SAMD3: variants seen among roughly 807,000 people sequenced by gnomAD.
SAMD3 encodes the protein sterile alpha motif domain-containing protein 3.
Under a neutral mutation model 58.5 loss-of-function variants are expected in SAMD3, and 63 were observed. The observed-to-expected ratio is 1.08, with a 90% CI of 0.88 to 1.33. The LOEUF (loss-of-function observed/expected upper bound fraction) is 1.33, where lower values mean the gene tolerates loss of function less well. Ranked by LOEUF, SAMD3 falls within the 40% of genes most tolerant of loss-of-function variation. SAMD3 has a pLI of 0.00. For missense variants in SAMD3, 604 were observed against 608.4 expected (o/e 0.99, Z 0.08); for synonymous variants, 220 against 210.3 (o/e 1.05, Z -0.40).
At chr6:130,176,886 G>T (rs1791778067) in intron 7 of SAMD3, among the ~76,000 whole-genome samples, 1 of 152,132 alleles carries the variant, frequency 6.6e-6, no homozygotes, top group Non-Finnish European at 1.5e-5. Flanking sequence ...TCAAGATGAG[G>T]GAATGACAGA....
intron 1 of SAMD3, among the ~76,000 whole-genome samples, chr6:130,333,923 C>A (rs1482555066): frequency 2.6e-5 from 4 of 152,130 alleles, no homozygotes; most frequent in Non-Finnish European, 4.4e-5. Flanking sequence ...CAGAGGATAG[C>A]CAGACTCCTC....
chr6:130,365,105 T>C (rs1778099299), intron 1 of SAMD3: 4 of 903,132 alleles, frequency 4.4e-6, no homozygotes, highest in African/African-American at 3.6e-5. Flanking sequence ...TAGTTTTACA[T>C]GAAACTTTAC....
chr6:130,193,451 G>GAACTCTTATCTCTGTGCCCCA (rs1793760768), intron 5 of SAMD3, among the ~76,000 whole-genome samples: 1 of 151,148 alleles, frequency 6.6e-6, no homozygotes, highest in Non-Finnish European at 1.5e-5. Flanking sequence ...TCCACGCCCC[G>GAACTCTTATCTCTGTGCCCCA]ACCTCTTATC....
At chr6:130,288,651 T>C (rs1025591122) in intron 2 of SAMD3, among the ~76,000 whole-genome samples, 1 of 152,224 alleles carries the variant, frequency 6.6e-6, no homozygotes, top group African/African-American at 2.4e-5. Context: ...GAAACTAATG[T>C]GGATGTTTAG....
intron 2 of SAMD3, among the ~76,000 whole-genome samples, chr6:130,309,557 A>G (rs955175742): frequency 1.3e-5 from 2 of 152,210 alleles, no homozygotes; most frequent in Non-Finnish European, 2.9e-5. Context: ...AAAAATCAGA[A>G]CAAGTAGCAC....
At chr6:130,330,844 G>A (rs1458409656) in intron 1 of SAMD3, among the ~76,000 whole-genome samples, 5 of 152,152 alleles carry the variant, frequency 3.3e-5, no homozygotes, top group African/African-American at 4.8e-5. Flanking sequence ...CACTTATAAA[G>A]TCTCTAGGTC....
chr6:130,275,438 A>G (rs1419704779), intron 2 of SAMD3, among the ~76,000 whole-genome samples: 2 of 152,188 alleles, frequency 1.3e-5, no homozygotes, highest in African/African-American at 2.4e-5. Flanking sequence ...CAGTTCAGAA[A>G]TCTATTTGTC....
Position 130,221,075 on chromosome 6 carries a change from C to T in SAMD3, c.-68+1619G>A, listed in dbSNP as rs369368230. Among the ~76,000 whole-genome samples the T allele has an allele frequency of 1.5e-4, 23 of 151,982 alleles. No homozygotes were observed. In the East Asian group the frequency reaches 3.7e-3, roughly 24 times the overall value. On this transcript the variant is annotated intron_variant, in intron 1 of 11. Coordinates refer to ENST00000439090, the MANE Select transcript of SAMD3 (RefSeq NM_001017373.4). ...TTCACTGTGTTAGCCAGGATGGTCT[C>T]GATCTCCTGACCTTGTGATCTGCCC...
chr6:130,343,592 G>T (rs538886836), intron 1 of SAMD3, among the ~76,000 whole-genome samples: 9 of 152,242 alleles, frequency 5.9e-5, no homozygotes, highest in African/African-American at 1.9e-4. Flanking sequence ...TGAGTTAGGG[G>T]CTGGGTGTAC....
At chr6:130,193,505 G>A (rs1008058480) in intron 5 of SAMD3, among the ~76,000 whole-genome samples, 11 of 151,338 alleles carry the variant, frequency 7.3e-5, no homozygotes, top group South Asian at 6.3e-4. Context: ...CCCCTTTCCC[G>A]CTTTTCTGGA....
At chr6:130,175,769 C>T (rs1007341989) in intron 8 of SAMD3, 72 bp downstream of exon 8, 1 of 959,046 alleles carries the variant, frequency 1.0e-6, no homozygotes, top group South Asian at 1.9e-5. Context: ...ATTTTAAATG[C>T]TATTATTTAT....
At chr6:130,346,893 A>T (rs375659537) in intron 1 of SAMD3, among the ~76,000 whole-genome samples, 1 of 152,176 alleles carries the variant, frequency 6.6e-6, no homozygotes, top group Non-Finnish European at 1.5e-5. Context: ...TTCCAGAGGA[A>T]CGATCAGGCA....
chr6:130,264,379 AG>A (rs1319341204), intron 2 of SAMD3, among the ~76,000 whole-genome samples: 1 of 152,176 alleles, frequency 6.6e-6, no homozygotes, highest in Non-Finnish European at 1.5e-5. Flanking sequence ...GGATGTGATG[AG>A]TTTAAGAATT....
chr6:130,351,825 A>G (rs1426728273), intron 1 of SAMD3, among the ~76,000 whole-genome samples: 3 of 152,148 alleles, frequency 2.0e-5, no homozygotes, highest in African/African-American at 7.2e-5. Context: ...AATGTCCATC[A>G]ATGATAGACT....
intron 2 of SAMD3, among the ~76,000 whole-genome samples, chr6:130,251,224 A>ATCT (rs143400020): frequency 0.054 from 8,163 of 152,214 alleles, 277 homozygotes; most frequent in African/African-American, 0.11. Flanking sequence ...CCATTTGCAT[A>ATCT]TCTTTGGAGA....
intron 1 of SAMD3, among the ~76,000 whole-genome samples, chr6:130,321,534 T>C (rs1776583832): frequency 6.6e-6 from 1 of 152,230 alleles, no homozygotes; most frequent in South Asian, 2.1e-4. Flanking sequence ...CATAGACAAC[T>C]AATCCAGAGG....
At chr6:130,338,442 T>C (rs1777167222) in intron 1 of SAMD3, among the ~76,000 whole-genome samples, 1 of 152,192 alleles carries the variant, frequency 6.6e-6, no homozygotes, top group African/African-American at 2.4e-5. Flanking sequence ...GGGCACTGCC[T>C]AGTGGAGCTG....
At chr6:130,340,265 T>C (rs1777228857) in intron 1 of SAMD3, among the ~76,000 whole-genome samples, 1 of 152,210 alleles carries the variant, frequency 6.6e-6, no homozygotes, top group Non-Finnish European at 1.5e-5. Flanking sequence ...CAGGGCTAGT[T>C]CCTTCTTGAG....
intron 5 of SAMD3, among the ~76,000 whole-genome samples, chr6:130,187,149 C>T (rs1793073357): frequency 6.6e-6 from 1 of 152,186 alleles, no homozygotes; most frequent in Admixed American, 6.5e-5. Context: ...ATTTCCTTTT[C>T]CCCAGTGATT....
Sources: gnomAD v4.1 joint callset for allele counts (sites outside exome capture counted in the v4.1 genomes callset) on GRCh38, gnomAD v4.1.1 for gene constraint, MANE v1.5 for transcripts, NCBI Gene and HGNC (gene_info 2026-07-23, HGNC 2026-07-21) for gene names.